The following PTPRM variants were observed in gnomAD, a reference collection of about 807,000 sequenced individuals.
PTPRM encodes protein tyrosine phosphatase receptor type M, also known as receptor-type tyrosine-protein phosphatase mu.
A neutral mutation model predicts 186.7 loss-of-function variants in PTPRM; 47 were observed. The ratio of observed to expected loss-of-function variants is 0.25; its 90% CI spans 0.20 to 0.32. The LOEUF (loss-of-function observed/expected upper bound fraction) is 0.32, where lower values mean the gene tolerates loss of function less well. PTPRM is among the 10% of genes least tolerant of loss of function. The probability of loss-of-function intolerance (pLI) is 1.00; values close to 1 mark genes in which losing one functional copy is unlikely to be tolerated. For synonymous variants in PTPRM, 668 were observed against 674.9 expected, an observed-to-expected ratio of 0.99 and a Z score of 0.16; for missense variants, 1,494 against 1,865.0, an observed-to-expected ratio of 0.80 and a Z score of 3.66.
Position 7,567,796 on chromosome 18 carries a change from C to T in PTPRM, c.-23C>T. 1 of 1,515,548 alleles carries T rather than the reference C, an allele frequency of 6.6e-7. No homozygotes were observed. The highest frequency in any genetic ancestry group is 8.8e-7 in the Non-Finnish European group (1 of 1,138,856). The allele number at this position is 1,515,548 out of a possible 1,614,324, so 93.9% of individuals were successfully genotyped here. A position where few individuals can be genotyped will look rare whatever the true frequency, so the allele number is the denominator to read the frequency against. ...GCGCCCACCCACCGCCGCCGGGGAG[C>T]GGCCCGGCCCGCACTCAGCACCATG... On this transcript the variant is annotated 5_prime_UTR_variant, in exon 1 of 33. Coordinates refer to ENST00000580170, the MANE Select transcript of PTPRM (RefSeq NM_001105244.2). The surrounding 1 kb of genome is among the most constrained non-coding windows in gnomAD (Gnocchi z 4.3).
chr18:7,987,130 C>T (rs2083004587), intron 7 of PTPRM, among the ~76,000 whole-genome samples: 1 of 152,178 alleles, frequency 6.6e-6, no homozygotes, highest in Non-Finnish European at 1.5e-5. Flanking sequence ...TGGGGACTGT[C>T]AGTTAGACAC....
At chr18:7,987,977 G>A (rs796145687) in intron 7 of PTPRM, among the ~76,000 whole-genome samples, 76 of 140,424 alleles carry the variant, frequency 5.4e-4, no homozygotes, top group African/African-American at 2.0e-3. Flanking sequence ...AGGAGTTCAG[G>A]ACCAGCCTGG....
At chr18:8,133,392 T>A (rs1237300786) in intron 13 of PTPRM, among the ~76,000 whole-genome samples, 1 of 152,178 alleles carries the variant, frequency 6.6e-6, no homozygotes, top group African/African-American at 2.4e-5. Context: ...GCCACAAAGA[T>A]GAGTAAGACT....
intron 1 of PTPRM, among the ~76,000 whole-genome samples, chr18:7,772,746 A>G (rs1180827043): frequency 6.6e-6 from 1 of 152,048 alleles, no homozygotes; most frequent in Admixed American, 6.6e-5. Context: ...GAGGTTGGAC[A>G]ATGGCTGTTT....
In PTPRM at chr18:7,955,288, A is replaced by G; in HGVS notation, c.1006A>G (p.Thr336Ala). 2 of 1,614,170 alleles carry G rather than the reference A, an allele frequency of 1.2e-6. No homozygotes were observed. Among genetic ancestry groups the G allele is most frequent in the Admixed American group, 1.7e-5 (1 of 60,022 alleles). ...GAATGACCGGCAGCCAGTCGATTCC[A>G]CGAGCTATAAAATTGGACACCTTGA... ...SWNDRQPVDSTSYKIGHLDPD... is the reference protein window; with the variant it reads ...SWNDRQPVDSASYKIGHLDPD... The change falls in exon 7 of 33, where the codon ACG becomes GCG. Residue 336 changes from threonine to alanine, a missense_variant. Physicochemically the swap from Thr to Ala is moderately conservative, Grantham distance 58 (BLOSUM62 0). Transcript: ENST00000580170.
chr18:8,270,038 A>G (rs1166289031), intron 19 of PTPRM: 1 of 152,022 alleles, frequency 6.6e-6, no homozygotes, highest in African/African-American at 2.4e-5. Context: ...GACATTTTCG[A>G]TATGAAACAA....
chr18:8,116,922 G>T (rs1356480424), intron 13 of PTPRM, among the ~76,000 whole-genome samples: 2 of 152,164 alleles, frequency 1.3e-5, no homozygotes, highest in Non-Finnish European at 2.9e-5. Flanking sequence ...CTCTTTTGGG[G>T]AAAGAGGGAC....
chr18:8,218,847 G>T (rs1321138477), intron 14 of PTPRM, among the ~76,000 whole-genome samples: 1 of 152,196 alleles, frequency 6.6e-6, no homozygotes, highest in Middle Eastern at 3.2e-3. Context: ...AGGTTCTTTG[G>T]CTACTTTTTC....
intron 14 of PTPRM, among the ~76,000 whole-genome samples, chr18:8,232,099 C>T (rs1240686291): frequency 6.6e-6 from 1 of 152,198 alleles, no homozygotes; most frequent in African/African-American, 2.4e-5. Flanking sequence ...TAACCTTTGA[C>T]AATCACTAAT....
chr18:8,194,569 G>T lies in PTPRM; in HGVS notation c.2301-49489G>T, dbSNP rs555110035. 1.3e-3 allele frequency among the ~76,000 whole-genome samples: 193 copies of T among 152,330 alleles called. 1 individual carries two copies. Among genetic ancestry groups the T allele is most frequent in the African/African-American group, 4.4e-3 (184 of 41,576 alleles). On this transcript the variant is annotated intron_variant, in intron 14 of 32. Transcript: ENST00000580170. ...AATAGGAGCTCCAGCTCCATCCATG[G>T]TAGCTGTGCGTGCTCATTCATTAGG...
intron 1 of PTPRM, among the ~76,000 whole-genome samples, chr18:7,761,678 C>T (rs553860635): frequency 3.4e-4 from 51 of 152,194 alleles, no homozygotes; most frequent in South Asian, 2.3e-3. Context: ...CCTTTTAACT[C>T]CTCTGTGTTC....
intron 5 of PTPRM, among the ~76,000 whole-genome samples, chr18:7,945,071 A>AG (rs1028974699): frequency 1.3e-5 from 2 of 152,178 alleles, no homozygotes; most frequent in Admixed American, 1.3e-4. Context: ...ATCATGGGAG[A>AG]GGGACCAGTG....
Position 8,133,731 on chromosome 18 carries a change from A to G in PTPRM, c.2168-9916A>G, listed in dbSNP as rs77585652. Among the ~76,000 whole-genome samples the G allele has an allele frequency of 9.8e-4, 149 of 152,282 alleles. 2 individuals carry two copies. The East Asian group carries it at 0.017, about 17-fold the overall frequency. ...GGTGTATTTCAGAAAGGAGGGTGGC[A>G]TAATATTAGGAAAGGGGGTTGGAGT... On this transcript the variant is annotated intron_variant, in intron 13 of 32. Transcript: ENST00000580170.
At chr18:8,194,398 A>G (rs905217478) in intron 14 of PTPRM, among the ~76,000 whole-genome samples, 6 of 152,238 alleles carry the variant, frequency 3.9e-5, no homozygotes, top group Admixed American at 3.9e-4. Context: ...AAGAGCTGAT[A>G]TGTGGAAAAC....
intron 7 of PTPRM, among the ~76,000 whole-genome samples, chr18:8,066,867 T>C (rs1327500100): frequency 1.3e-5 from 2 of 152,192 alleles, no homozygotes; most frequent in Non-Finnish European, 2.9e-5. Context: ...TTGGCAAATG[T>C]ATGGGAAATG....
chr18:7,859,106 C>T (rs966005824), intron 2 of PTPRM, among the ~76,000 whole-genome samples: 1 of 152,188 alleles, frequency 6.6e-6, no homozygotes, highest in African/African-American at 2.4e-5. Context: ...CTAATTTCTA[C>T]TGATATTCCC....
intron 24 of PTPRM, among the ~76,000 whole-genome samples, chr18:8,375,382 G>A (rs2095688260): frequency 6.6e-6 from 1 of 152,162 alleles, no homozygotes; most frequent in South Asian, 2.1e-4. Flanking sequence ...TAATGCCTGG[G>A]GCAGTGTAGT....
chr18:7,967,139 TCCCTGAC>T (rs1186295656), intron 7 of PTPRM, among the ~76,000 whole-genome samples: 6 of 45,980 alleles, frequency 1.3e-4, no homozygotes, highest in Non-Finnish European at 2.8e-4. Flanking sequence ...CTCAAGTGGG[TCCCTGAC>T]CCCTGACCCC....
chr18:7,675,352 A>G (rs930523159), intron 1 of PTPRM, among the ~76,000 whole-genome samples: 1 of 152,090 alleles, frequency 6.6e-6, no homozygotes, highest in African/African-American at 2.4e-5. Flanking sequence ...GGACATGGTG[A>G]CTTTTTAAGG....
Sources: allele counts gnomAD v4.1 joint callset (sites outside exome capture counted in the v4.1 genomes callset), GRCh38; gene constraint gnomAD v4.1.1; non-coding constraint Gnocchi (gnomAD v3.1); transcripts MANE v1.5; gene names NCBI Gene and HGNC (gene_info 2026-07-23, HGNC 2026-07-21).